Variants in NINL observed in about 807,000 individuals in gnomAD.
NINL encodes ninein-like protein.
Under a neutral mutation model 160.3 loss-of-function variants are expected in NINL, and 153 were observed. The ratio of observed to expected loss-of-function variants is 0.95; its 90% confidence interval spans 0.84 to 1.09. NINL has a LOEUF of 1.09. NINL is among the 50% of genes least tolerant of loss of function. The pLI is 0.00. For synonymous variants in NINL, 800 were observed against 734.8 expected (o/e 1.09, Z -1.43); for missense variants, 1,829 against 1,764.0 (o/e 1.04, Z -0.66).
chr20:25,523,101 A>G (rs553908646), intron 2 of NINL, among the ~76,000 whole-genome samples: 28 of 152,302 alleles, frequency 1.8e-4, no homozygotes, highest in African/African-American at 6.3e-4. Flanking sequence ...TACTTATAAT[A>G]GCCAATACAA....
rs1454819248 is a variant in NINL at position 25,476,799 on chromosome 20, T to G, written c.2492A>C (p.Lys831Thr). The G allele has an allele frequency of 6.2e-7, 1 of 1,612,760 alleles. No individual in the cohort carries two copies. The highest frequency in any genetic ancestry group is 1.3e-5 in the African/African-American group (1 of 74,942). ...SLEAEMQALP[K>T]DGLVAGSGQE... ...GCCACTTCCTGCCACCAGCCCATCTTTCGGCAGGGCCTGCATCTCTGCTTC... is the reference window on the plus strand; with the variant it reads ...GCCACTTCCTGCCACCAGCCCATCTGTCGGCAGGGCCTGCATCTCTGCTTC... Residue 831 changes from lysine (K) to threonine (T), a missense_variant, in exon 17 of 24, where the codon AAA (lysine) becomes ACA (threonine). Coordinates refer to ENST00000278886, the MANE Select transcript of NINL (RefSeq NM_025176.6).
At chr20:25,568,636 C>G (rs1026683250) in intron 1 of NINL, among the ~76,000 whole-genome samples, 2 of 151,470 alleles carry the variant, frequency 1.3e-5, no homozygotes, top group African/African-American at 4.8e-5. Context: ...GTCTCAAACT[C>G]CTGTGCTCGA....
rs1555877757 is a variant in NINL, at chr20:25,562,779, A to AC, written c.-12+22675_-12+22676insG. Among the ~76,000 whole-genome samples the AC allele has an allele frequency of 1.4e-3, 205 of 151,654 alleles. 1 individual carries two copies. The highest frequency in any genetic ancestry group is 4.7e-3 in the African/African-American group (193 of 41,296). On this transcript the variant is annotated intron_variant, in intron 1 of 23. Transcript: ENST00000278886. ...CACCCAAGAATGATCAATAAAAAAA[A>AC]AAAAACAAAAACAAAAACAAAGTTC... is the stretch of plus-strand genomic sequence containing the variant.
chr20:25,506,630 G>A (rs2063967091), intron 5 of NINL, among the ~76,000 whole-genome samples: 1 of 152,196 alleles, frequency 6.6e-6, no homozygotes, highest in African/African-American at 2.4e-5. Flanking sequence ...CAACAGTGGG[G>A]CAAAATTCTC....
intron 1 of NINL, among the ~76,000 whole-genome samples, chr20:25,553,342 G>A (rs111687201): frequency 8.0e-4 from 121 of 152,166 alleles, no homozygotes; most frequent in Non-Finnish European, 1.6e-3. Flanking sequence ...CCAAAGGTTG[G>A]GGAAATGGCA....
Position 25,499,418 on chromosome 20 carries a change from A to G in NINL, c.1033-1072T>C, listed in dbSNP as rs73335353. ...ACCAGCAGCTCTAGCGCAAATGGGA[A>G]AGAGAATAAGTTCTGAAAGGGCAGA... On this transcript the variant is annotated intron_variant, in intron 8 of 23. Transcript: ENST00000278886. Among the ~76,000 whole-genome samples the G allele has an allele frequency of 6.5e-3, 996 of 152,322 alleles. 15 individuals carry two copies. The highest frequency in any genetic ancestry group is 0.023 in the African/African-American group (954 of 41,570).
chr20:25,465,214 T>C (rs890098951), intron 19 of NINL, among the ~76,000 whole-genome samples: 1 of 152,144 alleles, frequency 6.6e-6, no homozygotes, highest in African/African-American at 2.4e-5. Context: ...GAATGTGGGA[T>C]GGCCCACGGG....
rs535023007 is a variant in NINL, at chr20:25,466,575, G to A, written c.3423+814C>T. ...AGCAATTTGGGAGGCCAAGGCCAGC[G>A]GATAGCTTGAGGTCAGGAGTTCGAG... On this transcript the variant is annotated intron_variant, in intron 19 of 23. Transcript: ENST00000278886. Among the ~76,000 whole-genome samples the A allele has an allele frequency of 1.2e-4, 18 of 152,056 alleles. No homozygotes were observed. In the South Asian group the frequency reaches 2.7e-3, roughly 23 times the overall value.
chr20:25,458,769 A>C, intron 21 of NINL: 6 of 492,812 alleles, frequency 1.2e-5, no homozygotes, highest in African/African-American at 2.0e-5. Context: ...TCACCCTCAA[A>C]ATGGTGACGC....
At chr20:25,557,351 C>T (rs1261622286) in intron 1 of NINL, among the ~76,000 whole-genome samples, 1 of 151,860 alleles carries the variant, frequency 6.6e-6, no homozygotes, top group Non-Finnish European at 1.5e-5. Flanking sequence ...GCCAACATGA[C>T]AAAACCCTGT....
In NINL at chr20:25,559,425, G is replaced by A. The variant is rs540029539; in HGVS notation, c.-12+26030C>T. Among the ~76,000 whole-genome samples the A allele has an allele frequency of 4.6e-5, 7 of 152,216 alleles. No individual in the cohort carries two copies. The South Asian group carries it at 1.5e-3, about 32-fold the overall frequency. On this transcript the variant is annotated intron_variant, in intron 1 of 23. Coordinates refer to ENST00000278886, the MANE Select transcript of NINL (RefSeq NM_025176.6). Reference sequence around the variant, plus strand: ...CCAACTAATTTTTGTATTTTTATTAGAGACGGGGTTTCACCATGTTGGCCA... The same window carrying A: ...CCAACTAATTTTTGTATTTTTATTAAAGACGGGGTTTCACCATGTTGGCCA...
intron 1 of NINL, among the ~76,000 whole-genome samples, chr20:25,577,989 C>T (rs112449476): frequency 0.051 from 7,765 of 152,026 alleles, 211 homozygotes; most frequent in Middle Eastern, 0.11. Context: ...TGTACCACCA[C>T]ACCTGGCTAA....
intron 1 of NINL, among the ~76,000 whole-genome samples, chr20:25,562,949 C>T (rs558702276): frequency 1.3e-5 from 2 of 152,224 alleles, no homozygotes; most frequent in Admixed American, 6.5e-5. Context: ...GGGCAGATCA[C>T]GAGGTCAGGA....
chr20:25,482,030 C>T lies in NINL; in HGVS notation c.1748G>A (p.Arg583Gln), dbSNP rs138248743. ...ATCCGGGCTCCATGAGGGGCTGTGCCGGTTCTTGGGCAGCCGCGCCCACAG... is the reference window on the plus strand; with the variant it reads ...ATCCGGGCTCCATGAGGGGCTGTGCTGGTTCTTGGGCAGCCGCGCCCACAG... ...EGLWARLPKN[R>Q]HSPSWSPDGR... The change falls in exon 14 of 24, where the codon CGG becomes CAG. Residue 583 changes from arginine to glutamine, a missense_variant. Arg to Gln is a conservative substitution (Grantham distance 43). Coordinates refer to ENST00000278886, the MANE Select transcript of NINL (RefSeq NM_025176.6). 1,115 of 1,598,650 alleles carry T rather than the reference C, an allele frequency of 7.0e-4. 2 individuals are homozygous for T. Among genetic ancestry groups the T allele is most frequent in the South Asian group, 2.6e-3 (237 of 91,044 alleles).
At chr20:25,575,886 A>G (rs2065109778) in intron 1 of NINL, among the ~76,000 whole-genome samples, 1 of 151,522 alleles carries the variant, frequency 6.6e-6, no homozygotes, top group Non-Finnish European at 1.5e-5. Context: ...TCTCTCCCTC[A>G]CTTCCTCCCT....
intron 10 of NINL, among the ~76,000 whole-genome samples, chr20:25,495,950 C>A (rs1362299149): frequency 2.6e-5 from 4 of 152,222 alleles, no homozygotes; most frequent in African/African-American, 9.6e-5. Context: ...AGTTGGTCAT[C>A]CTGGCCAAAA....
chr20:25,494,001 A>C (rs1205570950), intron 10 of NINL, among the ~76,000 whole-genome samples: 1 of 151,910 alleles, frequency 6.6e-6, no homozygotes, highest in Non-Finnish European at 1.5e-5. Flanking sequence ...CCACCACCAC[A>C]GCCACAGGAG....
At chr20:25,463,398 A>G (rs1263280076) in intron 19 of NINL, among the ~76,000 whole-genome samples, 1 of 152,184 alleles carries the variant, frequency 6.6e-6, no homozygotes, top group African/African-American at 2.4e-5. Flanking sequence ...CATTGAACAC[A>G]CAAGCGTAGC....
chr20:25,532,709 C>T (rs1342374635), intron 1 of NINL, among the ~76,000 whole-genome samples: 1 of 152,250 alleles, frequency 6.6e-6, no homozygotes. Context: ...GAGTCAGACA[C>T]AGCAGGTCTA....
Sources: allele counts gnomAD v4.1 joint callset (sites outside exome capture counted in the v4.1 genomes callset), GRCh38; gene constraint gnomAD v4.1.1; transcripts MANE v1.5; gene names NCBI Gene and HGNC (gene_info 2026-07-23, HGNC 2026-07-21).